The following RNASEH1 variants were observed in gnomAD, a reference collection of about 807,000 sequenced individuals.
The protein encoded by RNASEH1 is ribonuclease H1, also known as ribonuclease H type II.
In RNASEH1, 27 loss-of-function variants were observed where a neutral mutation model predicts 34.6. The observed-to-expected ratio is 0.78, with a 90% CI of 0.58 to 1.08. RNASEH1 has a LOEUF of 1.08. Ranked by LOEUF, RNASEH1 falls within the 50% of genes least tolerant of loss-of-function variation. The pLI is 0.00. For synonymous variants in RNASEH1, 162 were observed against 138.4 expected, an observed-to-expected ratio of 1.17 and a Z score of -1.20; for missense variants, 349 against 373.6, an observed-to-expected ratio of 0.93 and a Z score of 0.54.
rs947722846 is a variant in RNASEH1, at chr2:3,542,058, G to T, written c.*3727C>A. ...TAAAACTCAAAAAGAAACAAAGAAA[G>T]AGATAAAAGAGATTCAAGAGACAGT... On this transcript the variant is annotated 3_prime_UTR_variant, in exon 8 of 8. Coordinates refer to ENST00000315212, the MANE Select transcript of RNASEH1 (RefSeq NM_002936.6). 1.3e-5 allele frequency among the ~76,000 whole-genome samples: 2 copies of T among 152,122 alleles called. No individual in the cohort carries two copies. Among genetic ancestry groups the T allele is most frequent in the Non-Finnish European group, 2.9e-5 (2 of 68,006 alleles).
At position 3,545,102 on chromosome 2, in the gene RNASEH1, T is replaced by A. The variant is rs70937041; in HGVS notation, c.*683A>T. 164 of 149,644 alleles carry A rather than the reference T, an allele frequency of 1.1e-3. No homozygotes were observed. Among genetic ancestry groups the A allele is most frequent in the Middle Eastern group, 3.5e-3 (1 of 288 alleles). 9.3% of individuals were successfully genotyped at this position (149,644 alleles called of 1,614,324 possible). Reference sequence around the variant, plus strand: ...TGTCTTACTTTTTTTTTTTTTTTTTTAATTTGCACAGTTTTTAACGAAAGA... The same window carrying A: ...TGTCTTACTTTTTTTTTTTTTTTTTAAATTTGCACAGTTTTTAACGAAAGA... On this transcript the variant is annotated 3_prime_UTR_variant, in exon 8 of 8. Coordinates refer to ENST00000315212, the MANE Select transcript of RNASEH1 (RefSeq NM_002936.6).
chr2:3,539,366 A>G (rs1032331916), downstream of RNASEH1, among the ~76,000 whole-genome samples: 3 of 152,122 alleles, frequency 2.0e-5, no homozygotes, highest in African/African-American at 4.8e-5. Context: ...CTACCACCAT[A>G]TACTGGCGGC....
intron 7 of RNASEH1, among the ~76,000 whole-genome samples, chr2:3,547,210 C>T (rs1025676520): frequency 6.6e-6 from 1 of 152,198 alleles, no homozygotes; most frequent in African/African-American, 2.4e-5. Context: ...CAGGGTCTCA[C>T]TCTGTCGCCC....
chr2:3,552,393 T>C lies in RNASEH1; in HGVS notation c.245-85A>G, dbSNP rs1266690919. On this transcript the variant is annotated intron_variant, in intron 2 of 7. Coordinates refer to ENST00000315212, the MANE Select transcript of RNASEH1 (RefSeq NM_002936.6). ...GAATGAAGACATTCAGTAAATTATT[T>C]AGTATCATTAAATCAGACTTAAAAA... 9 of 1,339,950 alleles carry C rather than the reference T, an allele frequency of 6.7e-6. No homozygotes were observed. The Admixed American group carries it at 8.1e-5, about 12-fold the overall frequency. The allele number at this position is 1,339,950 out of a possible 1,614,324, so 83.0% of individuals were successfully genotyped here. A position where few individuals can be genotyped will look rare whatever the true frequency, so the allele number is the denominator to read the frequency against.
At chr2:3,553,973 C>G (rs958051575) in intron 2 of RNASEH1, among the ~76,000 whole-genome samples, 2 of 152,174 alleles carry the variant, frequency 1.3e-5, no homozygotes, top group African/African-American at 4.8e-5. Context: ...TGCAAACTAA[C>G]AACCCTAACC....
rs140300977 is a variant in RNASEH1 at position 3,553,995 on chromosome 2, G to T, written c.245-1687C>A. Reference sequence around the variant, plus strand: ...TAACAACCCTAACCCAACACTACAGGATTCACCTCCAGCTCTCAACTCCTA... The same window carrying T: ...TAACAACCCTAACCCAACACTACAGTATTCACCTCCAGCTCTCAACTCCTA... On this transcript the variant is annotated intron_variant, in intron 2 of 7. Coordinates refer to ENST00000315212, the MANE Select transcript of RNASEH1 (RefSeq NM_002936.6). Among the ~76,000 whole-genome samples, 402 of 152,222 alleles carry T rather than the reference G, an allele frequency of 2.6e-3. 3 individuals carry two copies. Among genetic ancestry groups the T allele is most frequent in the African/African-American group, 9.4e-3 (389 of 41,516 alleles).
intron 2 of RNASEH1, among the ~76,000 whole-genome samples, chr2:3,552,526 C>A (rs1660060305): frequency 8.5e-6 from 1 of 117,806 alleles, no homozygotes; most frequent in Non-Finnish European, 1.8e-5. Context: ...ACCTCCACCC[C>A]CTCCACACCA....
downstream of RNASEH1, among the ~76,000 whole-genome samples, chr2:3,541,331 A>G (rs1480965456): frequency 6.8e-6 from 1 of 147,768 alleles, no homozygotes; most frequent in African/African-American, 2.5e-5. Flanking sequence ...TCCATCTCCA[A>G]AAAAAAAAAA....
chr2:3,538,019 A>G (rs1048191082), downstream of RNASEH1, among the ~76,000 whole-genome samples: 13 of 128,120 alleles, frequency 1.0e-4, no homozygotes, highest in African/African-American at 2.1e-4. Flanking sequence ...CCTGGCCAAC[A>G]AGAGCGAAAC....
intron 1 of RNASEH1, 179 bp downstream of exon 1, chr2:3,557,954 T>C (rs1462311078): frequency 2.0e-6 from 3 of 1,509,660 alleles, no homozygotes; most frequent in African/African-American, 2.8e-5. Flanking sequence ...TCCCAGGCCA[T>C]GAGCCTCCTG....
At chr2:3,557,175 T>C (rs149047778) in intron 1 of RNASEH1, among the ~76,000 whole-genome samples, 1 of 152,352 alleles carries the variant, frequency 6.6e-6, no homozygotes, top group African/African-American at 2.4e-5. Flanking sequence ...TATAGTTGTA[T>C]TGTCTTTTTA....
chr2:3,548,128 T>A (rs1489972050), intron 6 of RNASEH1, 73 bp from the exon 7 acceptor site: 30 of 1,536,692 alleles, frequency 2.0e-5, no homozygotes, highest in Non-Finnish European at 2.7e-5. Context: ...GTCTTACCTC[T>A]TATAATTGAT....
chr2:3,549,672 G>A (rs1239016943), intron 4 of RNASEH1, among the ~76,000 whole-genome samples: 1 of 151,184 alleles, frequency 6.6e-6, no homozygotes, highest in Non-Finnish European at 1.5e-5. Context: ...AACATAGTGA[G>A]ACTTCATCTC....
Position 3,545,006 on chromosome 2 carries a change from C to T in RNASEH1, c.*779G>A, listed in dbSNP as rs1668609381. 6.6e-6 allele frequency: 1 copy of T among 151,544 alleles called. No individual in the cohort carries two copies. The highest frequency in any genetic ancestry group is 2.4e-5 in the African/African-American group (1 of 41,200). The allele number at this position is 151,544 out of a possible 1,614,324, so 9.4% of individuals were successfully genotyped here. On this transcript the variant is annotated 3_prime_UTR_variant, in exon 8 of 8. Coordinates refer to ENST00000315212, the MANE Select transcript of RNASEH1 (RefSeq NM_002936.6). ...GCCAAGCTGGTCTCAAACTCCTGACCTCAAGTGATCTGCCCGCCTTGGCCT... is the reference window on the plus strand; with the variant it reads ...GCCAAGCTGGTCTCAAACTCCTGACTTCAAGTGATCTGCCCGCCTTGGCCT...
At chr2:3,557,969 C>T (rs899946226) in intron 1 of RNASEH1, 164 bp downstream of exon 1, 10 of 1,497,496 alleles carry the variant, frequency 6.7e-6, no homozygotes, top group Non-Finnish European at 8.0e-6. Flanking sequence ...CTCCTGGAAC[C>T]CCGCCGGCCG....
At chr2:3,556,725 G>A (rs1010902191) in intron 2 of RNASEH1, 64 bp downstream of exon 2, 59 of 1,065,562 alleles carry the variant, frequency 5.5e-5, no homozygotes, top group Admixed American at 3.0e-4. Flanking sequence ...TAGATCAAAT[G>A]CCATCTGGCA....
chr2:3,556,893 C>T lies in RNASEH1; in HGVS notation c.140G>A (p.Arg47Lys), dbSNP rs767496722. 9 of 1,612,162 alleles carry T rather than the reference C, an allele frequency of 5.6e-6. No homozygotes were observed. The highest frequency in any genetic ancestry group is 5.9e-6 in the Non-Finnish European group (7 of 1,178,308). Reference sequence around the variant, plus strand: ...AGCAGGAAACCGGTCCACCTGTGCTCTGCACTCATTCCTGGAAAAGATGTG... The same window carrying T: ...AGCAGGAAACCGGTCCACCTGTGCTTTGCACTCATTCCTGGAAAAGATGTG... ...TGVFLTWNEC[R>K]AQVDRFPAAR... Residue 47 changes from arginine (R) to lysine (K), a missense_variant, in exon 2 of 8, where the codon AGA (arginine) becomes AAA (lysine). Physicochemically the swap from Arg to Lys is conservative, Grantham distance 26 (BLOSUM62 2). Coordinates refer to ENST00000315212, the MANE Select transcript of RNASEH1 (RefSeq NM_002936.6).
At chr2:3,552,811 C>CA (rs1660109657) in intron 2 of RNASEH1, among the ~76,000 whole-genome samples, 3 of 151,954 alleles carry the variant, frequency 2.0e-5, no homozygotes, top group African/African-American at 7.3e-5. Context: ...ACCCGGCCAA[C>CA]ATAGTGAGAC....
At chr2:3,557,008 G>A in intron 1 of RNASEH1, 104 bp from the exon 2 acceptor site, 1 of 809,774 alleles carries the variant, frequency 1.2e-6, no homozygotes. Flanking sequence ...TGGTATCTGA[G>A]GGAGACTGAT....
Sources: allele counts gnomAD v4.1 joint callset (sites outside exome capture counted in the v4.1 genomes callset), GRCh38; gene constraint gnomAD v4.1.1; transcripts MANE v1.5; gene names NCBI Gene and HGNC (gene_info 2026-07-23, HGNC 2026-07-21).